The following OR51B5 variants were observed in gnomAD, a reference collection of about 807,000 sequenced individuals.
OR51B5 encodes the protein olfactory receptor 51B5.
For missense variants in OR51B5, 456 were observed against 374.6 expected, an observed-to-expected ratio of 1.22 and a Z score of -1.79; for synonymous variants, 186 against 144.8, an observed-to-expected ratio of 1.28 and a Z score of -2.04.
intron 1 of OR51B5, among the ~76,000 whole-genome samples, chr11:5,399,517 A>G (rs1468202662): frequency 6.6e-6 from 1 of 152,182 alleles, no homozygotes; most frequent in East Asian, 1.9e-4. Flanking sequence ...CATAAGATTC[A>G]CCTCCAATTC....
chr11:5,365,372 G>A (rs1213208135), intron 1 of OR51B5, among the ~76,000 whole-genome samples: 1 of 152,160 alleles, frequency 6.6e-6, no homozygotes, highest in African/African-American at 2.4e-5. Context: ...GCTGGTCCCG[G>A]CATGGCAACA....
intron 1 of OR51B5, chr11:5,453,951 A>AC: frequency 2.5e-6 from 4 of 1,614,052 alleles, no homozygotes; most frequent in Non-Finnish European, 3.4e-6. Flanking sequence ...AAGCTTCATC[A>AC]CCCTTTTCCC....
At chr11:5,395,466 A>G (rs530071010) in intron 1 of OR51B5, among the ~76,000 whole-genome samples, 2 of 152,128 alleles carry the variant, frequency 1.3e-5, no homozygotes, top group Non-Finnish European at 2.9e-5. Context: ...AAGATGGCCA[A>G]TCTGTTGTTA....
intron 1 of OR51B5, among the ~76,000 whole-genome samples, chr11:5,438,283 G>A (rs755126586): frequency 2.6e-5 from 4 of 152,022 alleles, no homozygotes; most frequent in African/African-American, 9.7e-5. Context: ...TCTCTCCACT[G>A]AGAAAATGAA....
At chr11:5,440,993 A>G in intron 1 of OR51B5, 1 of 1,613,988 alleles carries the variant, frequency 6.2e-7, no homozygotes, top group Non-Finnish European at 8.5e-7. Flanking sequence ...GATGCAAAAC[A>G]TTGCCTTTGC....
At chr11:5,439,304 C>G (rs1365647002) in intron 1 of OR51B5, among the ~76,000 whole-genome samples, 1 of 152,052 alleles carries the variant, frequency 6.6e-6, no homozygotes, top group East Asian at 1.9e-4. Context: ...TTTCTGTCTT[C>G]CACCTGCACT....
At chr11:5,473,315 T>G (rs1322307227) in intron 1 of OR51B5, among the ~76,000 whole-genome samples, 1 of 152,154 alleles carries the variant, frequency 6.6e-6, no homozygotes, top group Non-Finnish European at 1.5e-5. Context: ...AATGTAAGGG[T>G]CTTAAATTTT....
chr11:5,437,392 G>C (rs954599439), intron 1 of OR51B5, among the ~76,000 whole-genome samples: 4 of 152,080 alleles, frequency 2.6e-5, no homozygotes, highest in Non-Finnish European at 4.4e-5. Context: ...ACAACCCCAG[G>C]ATTTAAGCCA....
At chr11:5,459,291 C>A (rs948512120) in intron 1 of OR51B5, among the ~76,000 whole-genome samples, 4 of 152,126 alleles carry the variant, frequency 2.6e-5, no homozygotes, top group Non-Finnish European at 4.4e-5. Flanking sequence ...CCTTGCATCC[C>A]AGGAACATAA....
intron 1 of OR51B5, chr11:5,489,274 C>G (rs527339979): frequency 1.9e-6 from 3 of 1,613,900 alleles, no homozygotes; most frequent in Admixed American, 3.3e-5. Flanking sequence ...CATTGCCCGA[C>G]TGGCCTGTGC....
intron 1 of OR51B5, among the ~76,000 whole-genome samples, chr11:5,355,853 G>A (rs1564918611): frequency 6.6e-6 from 1 of 151,968 alleles, no homozygotes; most frequent in East Asian, 1.9e-4. Context: ...TTCCTGTAGT[G>A]ACATAGGCGT....
intron 1 of OR51B5, among the ~76,000 whole-genome samples, chr11:5,414,616 A>G (rs1457772110): frequency 6.6e-6 from 1 of 151,622 alleles, no homozygotes; most frequent in East Asian, 1.9e-4. Context: ...AAACAAAAAA[A>G]GGCAGGGGTT....
intron 1 of OR51B5, among the ~76,000 whole-genome samples, chr11:5,447,746 C>T (rs1476166016): frequency 6.6e-6 from 1 of 151,090 alleles, no homozygotes; most frequent in Non-Finnish European, 1.5e-5. Flanking sequence ...CTTTCTGTGG[C>T]TCTTTCCCCA....
intron 1 of OR51B5, among the ~76,000 whole-genome samples, chr11:5,425,241 G>A (rs555732577): frequency 6.6e-6 from 1 of 152,110 alleles, no homozygotes. Flanking sequence ...GAAAATTTTT[G>A]TCAATGTACA....
intron 1 of OR51B5, among the ~76,000 whole-genome samples, chr11:5,359,362 G>T (rs959940920): frequency 6.8e-6 from 1 of 146,132 alleles, no homozygotes; most frequent in Admixed American, 6.9e-5. Flanking sequence ...GACAAACAGA[G>T]AGCCAAATCA....
At chr11:5,355,119 T>A in intron 1 of OR51B5, 1 of 181,678 alleles carries the variant, frequency 5.5e-6, no homozygotes. Context: ...TTACGGACTA[T>A]GACAGTGCCT....
intron 1 of OR51B5, among the ~76,000 whole-genome samples, chr11:5,369,106 T>A (rs930940124): frequency 6.6e-6 from 1 of 152,162 alleles, no homozygotes; most frequent in Non-Finnish European, 1.5e-5. Context: ...TAGAGACATA[T>A]GGCCATGACT....
chr11:5,382,558 G>T (rs1031100249), intron 1 of OR51B5, among the ~76,000 whole-genome samples: 2 of 152,206 alleles, frequency 1.3e-5, no homozygotes, highest in Non-Finnish European at 2.9e-5. Flanking sequence ...TAGGATCCCA[G>T]TGAAATAGGC....
At chr11:5,359,919 G>T (rs1032799996) in intron 1 of OR51B5, among the ~76,000 whole-genome samples, 1 of 152,188 alleles carries the variant, frequency 6.6e-6, no homozygotes, top group African/African-American at 2.4e-5. Context: ...AATAAATGGT[G>T]CTGGGAAAAC....
Sources: allele counts gnomAD v4.1 joint callset (sites outside exome capture counted in the v4.1 genomes callset), GRCh38; gene constraint gnomAD v4.1.1; transcripts MANE v1.5; gene names NCBI Gene and HGNC (gene_info 2026-07-23, HGNC 2026-07-21).